Variants in PKHD1 observed in about 807,000 individuals in gnomAD.
PKHD1 encodes the protein PKHD1 ciliary IPT domain containing fibrocystin/polyductin.
In PKHD1, 291 loss-of-function variants were observed where a neutral mutation model predicts 412.0. The observed-to-expected ratio is 0.71, with a 90% CI of 0.64 to 0.78. The LOEUF (loss-of-function observed/expected upper bound fraction) is 0.78. PKHD1 is among the 30% of genes least tolerant of loss of function. The pLI, the probability that PKHD1 is intolerant of heterozygous loss-of-function variation, is 0.00. For synonymous variants in PKHD1, 1,777 were observed against 1,821.5 expected (o/e 0.98, Z 0.62); for missense variants, 4,825 against 4,950.7 (o/e 0.97, Z 0.76).
chr6:51,760,208 A>G (rs1365994883), intron 55 of PKHD1, among the ~76,000 whole-genome samples: 2 of 152,136 alleles, frequency 1.3e-5, no homozygotes, highest in African/African-American at 4.8e-5. Context: ...GTTAGATAAT[A>G]TGCCATTGAA....
At chr6:51,736,188 G>A (rs1452326898) in intron 60 of PKHD1, among the ~76,000 whole-genome samples, 1 of 152,258 alleles carries the variant, frequency 6.6e-6, no homozygotes, top group East Asian at 1.9e-4. Context: ...AAGATTTGAG[G>A]AGCAAGACAA....
chr6:51,878,567 C>A (rs202044087), intron 46 of PKHD1, among the ~76,000 whole-genome samples: 1 of 44,326 alleles, frequency 2.3e-5, no homozygotes, highest in African/African-American at 1.0e-4. Context: ...ATTCAACAAC[C>A]CTTCATGCTA....
At chr6:51,842,260 T>A (rs925650529) in intron 50 of PKHD1, among the ~76,000 whole-genome samples, 2 of 151,856 alleles carry the variant, frequency 1.3e-5, no homozygotes, top group Non-Finnish European at 2.9e-5. Context: ...GCTCCATGAG[T>A]GGGGGCTGTG....
At chr6:51,705,663 A>T (rs2766124) in intron 60 of PKHD1, among the ~76,000 whole-genome samples, 1 of 151,888 alleles carries the variant, frequency 6.6e-6, no homozygotes, top group Non-Finnish European at 1.5e-5. Flanking sequence ...GTCCACTAAG[A>T]TTCATTTAGT....
chr6:51,665,548 A>G (rs1445727596), intron 60 of PKHD1, among the ~76,000 whole-genome samples: 1 of 152,162 alleles, frequency 6.6e-6, no homozygotes, highest in Non-Finnish European at 1.5e-5. Context: ...TTTGACAATA[A>G]GGATTCTGTA....
intron 7 of PKHD1, 52 bp downstream of exon 7, chr6:52,073,411 G>T: frequency 1.9e-6 from 2 of 1,080,746 alleles, no homozygotes; most frequent in Non-Finnish European, 2.9e-6. Context: ...GTCCCAGGAA[G>T]CCATGCAGCA....
At chr6:52,045,727 T>G (rs568833346) in intron 24 of PKHD1, among the ~76,000 whole-genome samples, 1 of 152,318 alleles carries the variant, frequency 6.6e-6, no homozygotes, top group South Asian at 2.1e-4. Flanking sequence ...CAATAACAGA[T>G]GTAGAATTAT....
chr6:51,994,485 G>T (rs927814233), intron 35 of PKHD1, among the ~76,000 whole-genome samples: 1 of 152,160 alleles, frequency 6.6e-6, no homozygotes, highest in Non-Finnish European at 1.5e-5. Context: ...ATTGCTTACA[G>T]AATTCACATT....
intron 35 of PKHD1, 110 bp downstream of exon 35, chr6:52,010,199 T>G (rs969180305): frequency 2.2e-6 from 2 of 904,574 alleles, no homozygotes; most frequent in Non-Finnish European, 3.5e-6. Flanking sequence ...TGAGCACATT[T>G]AATATTATAT....
chr6:51,832,920 G>C lies in PKHD1; in HGVS notation c.8174-1931C>G, dbSNP rs868554687. On this transcript the variant is annotated intron_variant, in intron 51 of 66. Coordinates refer to ENST00000371117, the MANE Select transcript of PKHD1 (RefSeq NM_138694.4). ...GTACAAAATATACCACACACCTTGG[G>C]AATAAGGCAATGTCTTGGAATAAGC... Among the ~76,000 whole-genome samples the C allele has an allele frequency of 5.9e-5, 9 of 152,084 alleles. No homozygotes were observed. In the South Asian group the frequency reaches 1.9e-3, roughly 32 times the overall value.
At chr6:51,990,743 T>C (rs1161965809) in intron 35 of PKHD1, among the ~76,000 whole-genome samples, 1 of 152,166 alleles carries the variant, frequency 6.6e-6, no homozygotes, top group Non-Finnish European at 1.5e-5. Context: ...TCTCTCTCTC[T>C]CTACCCCCAA....
intron 63 of PKHD1, among the ~76,000 whole-genome samples, chr6:51,644,970 G>A (rs1014598865): frequency 2.0e-5 from 3 of 152,144 alleles, no homozygotes; most frequent in Non-Finnish European, 4.4e-5. Context: ...GTGTCACTGA[G>A]CCCGGCCAAT....
At chr6:51,819,367 G>T (rs1291348542) in intron 52 of PKHD1, among the ~76,000 whole-genome samples, 1 of 152,130 alleles carries the variant, frequency 6.6e-6, no homozygotes, top group Non-Finnish European at 1.5e-5. Context: ...ATGCTTACAG[G>T]GAGCTAGTTT....
chr6:51,775,746 C>T (rs1361804740), intron 54 of PKHD1, 62 bp downstream of exon 54: 6 of 825,970 alleles, frequency 7.3e-6, no homozygotes, highest in Non-Finnish European at 1.3e-5. Flanking sequence ...CTCTATCAGA[C>T]ACAAGCACAC....
chr6:51,754,769 A>T lies in PKHD1; in HGVS notation c.8797+15T>A. On this transcript the variant is annotated intron_variant, in intron 56 of 66. Transcript: ENST00000371117. The stretch of plus-strand genomic sequence containing the variant: ...AGCTCATTCACTTACCTTAACCAAC[A>T]AACCAAAGCCTTACCAATATGCCGG... 1 of 1,612,412 alleles carries T rather than the reference A, an allele frequency of 6.2e-7. No individual in the cohort carries two copies. Among genetic ancestry groups the T allele is most frequent in the Non-Finnish European group, 8.5e-7 (1 of 1,178,650 alleles).
intron 35 of PKHD1, among the ~76,000 whole-genome samples, chr6:51,967,463 T>C (rs748154099): frequency 6.6e-6 from 1 of 152,154 alleles, no homozygotes; most frequent in Non-Finnish European, 1.5e-5. Context: ...CTTTCTGTAA[T>C]TGAAAATAGG....
intron 36 of PKHD1, among the ~76,000 whole-genome samples, chr6:51,939,752 C>T (rs970503363): frequency 6.6e-6 from 1 of 151,406 alleles, no homozygotes; most frequent in Non-Finnish European, 1.5e-5. Context: ...CAGTCCCAAC[C>T]CCAAGCATCA....
chr6:51,943,298 G>T (rs1247419478), intron 36 of PKHD1, among the ~76,000 whole-genome samples: 1 of 150,906 alleles, frequency 6.6e-6, no homozygotes, highest in Non-Finnish European at 1.5e-5. Flanking sequence ...ATGCTACAAG[G>T]TACAGCCCAT....
chr6:51,961,638 C>G (rs1792056479), intron 35 of PKHD1, among the ~76,000 whole-genome samples: 1 of 151,874 alleles, frequency 6.6e-6, no homozygotes, highest in Non-Finnish European at 1.5e-5. Context: ...TTAATTTACT[C>G]CTGTAGAATA....
Sources: allele counts gnomAD v4.1 joint callset (sites outside exome capture counted in the v4.1 genomes callset), GRCh38; gene constraint gnomAD v4.1.1; transcripts MANE v1.5; gene names NCBI Gene and HGNC (gene_info 2026-07-23, HGNC 2026-07-21).